Variants in IQGAP2 observed in about 807,000 individuals in gnomAD.
IQGAP2 encodes IQ motif containing GTPase activating protein 2, also known as ras GTPase-activating-like protein IQGAP2.
IQGAP2 carries 173 observed loss-of-function variants against 201.3 expected under a neutral mutation model. The observed-to-expected ratio is 0.86, with a 90% CI of 0.76 to 0.98. The LOEUF (loss-of-function observed/expected upper bound fraction) is 0.98, where lower values mean the gene tolerates loss of function less well. Ranked by LOEUF, IQGAP2 falls within the 50% of genes least tolerant of loss-of-function variation. The probability of loss-of-function intolerance (pLI) is 0.00; values close to 1 mark genes in which losing one functional copy is unlikely to be tolerated. For missense variants in IQGAP2, 1,687 were observed against 1,864.8 expected, an observed-to-expected ratio of 0.90 and a Z score of 1.76; for synonymous variants, 675 against 673.9, an observed-to-expected ratio of 1.00 and a Z score of -0.03.
chr5:76,626,192 T>C (rs556039900), intron 13 of IQGAP2, among the ~76,000 whole-genome samples: 1 of 152,080 alleles, frequency 6.6e-6, no homozygotes, highest in Admixed American at 6.5e-5. Flanking sequence ...TTCTCACCTA[T>C]GTCTGGATCA....
intron 3 of IQGAP2, among the ~76,000 whole-genome samples, chr5:76,567,744 TGTTTC>T (rs2150265148): frequency 6.6e-6 from 1 of 152,334 alleles, no homozygotes; most frequent in East Asian, 1.9e-4. Context: ...TAATGTTATT[TGTTTC>T]TAAACTACCT....
chr5:76,619,514 CTTTTT>C (rs773323091), intron 13 of IQGAP2, among the ~76,000 whole-genome samples: 3 of 104,266 alleles, frequency 2.9e-5, no homozygotes, highest in Non-Finnish European at 3.8e-5. Context: ...TAAGGATCTT[CTTTTT>C]TTTTTTTTTT....
rs376703431 is a variant in IQGAP2 at position 76,590,522 on chromosome 5, C to A, written c.755C>A (p.Ala252Glu). 7 of 1,613,392 alleles carry A rather than the reference C, an allele frequency of 4.3e-6. No homozygotes were observed. Among genetic ancestry groups the A allele is most frequent in the Non-Finnish European group, 5.9e-6 (7 of 1,179,730 alleles). ...AVLTLVDDNL[A>E]PEYQKELWDA... Reference sequence around the variant, plus strand: ...TTAACTTTAGTGGATGACAACCTTGCACCAGAATATCAGAAAGAACTCTGG... The same window carrying A: ...TTAACTTTAGTGGATGACAACCTTGAACCAGAATATCAGAAAGAACTCTGG... Residue 252 changes from alanine (A) to glutamate (E), a missense_variant, in exon 8 of 36, where the codon GCA (alanine) becomes GAA (glutamate). Physicochemically the swap from Ala to Glu is moderately radical, Grantham distance 107 (BLOSUM62 -1). Transcript: ENST00000274364.
chr5:76,472,984 G>T (rs1045849667), intron 2 of IQGAP2, among the ~76,000 whole-genome samples: 1 of 152,186 alleles, frequency 6.6e-6, no homozygotes, highest in African/African-American at 2.4e-5. Context: ...CAACCACTCT[G>T]TGGGAAGGAG....
intron 20 of IQGAP2, among the ~76,000 whole-genome samples, chr5:76,656,246 G>A (rs13189844): frequency 0.098 from 14,782 of 151,012 alleles, 989 homozygotes; most frequent in Non-Finnish European, 0.14. Flanking sequence ...TTCTTGAGAC[G>A]GAGTCTCGCT....
chr5:76,547,343 C>G, intron 2 of IQGAP2: 2 of 532,124 alleles, frequency 3.8e-6, no homozygotes, highest in South Asian at 1.6e-4. Context: ...GGCTTTATGG[C>G]ATTCTCTTGG....
At chr5:76,590,346 C>A (rs982779574) in intron 7 of IQGAP2, 62 bp from the exon 8 acceptor site, 2 of 1,308,644 alleles carry the variant, frequency 1.5e-6, no homozygotes, top group African/African-American at 3.0e-5. Context: ...AGGGTCAATG[C>A]AACTGTCCAT....
chr5:76,677,101 C>A, intron 27 of IQGAP2, 117 bp from the exon 28 acceptor site: 1 of 1,000,082 alleles, frequency 1.0e-6, no homozygotes, highest in African/African-American at 1.6e-5. Flanking sequence ...CACGTCCTCT[C>A]AAGGTTTGAG....
chr5:76,611,951 TCTC>T (rs1580601538), intron 13 of IQGAP2, among the ~76,000 whole-genome samples: 2 of 152,264 alleles, frequency 1.3e-5, no homozygotes. Flanking sequence ...AGGGCGGTCA[TCTC>T]CTCTGTCTAG....
chr5:76,405,206 C>T lies in IQGAP2; in HGVS notation c.46+1615C>T, dbSNP rs531526130. Among the ~76,000 whole-genome samples, 14 of 152,322 alleles carry T rather than the reference C, an allele frequency of 9.2e-5. No homozygotes were observed. The South Asian group carries it at 2.9e-3, about 32-fold the overall frequency. On this transcript the variant is annotated intron_variant, in intron 1 of 35. Coordinates refer to ENST00000274364, the MANE Select transcript of IQGAP2 (RefSeq NM_006633.5). ...ATGAATGCAGCATTTCTGTCAGTCCCTGCATGTGCATCTGTGATGCTGCTT... is the reference window on the plus strand; with the variant it reads ...ATGAATGCAGCATTTCTGTCAGTCCTTGCATGTGCATCTGTGATGCTGCTT...
chr5:76,421,858 G>A (rs1751749256), intron 1 of IQGAP2, among the ~76,000 whole-genome samples: 1 of 152,116 alleles, frequency 6.6e-6, no homozygotes, highest in South Asian at 2.1e-4. Flanking sequence ...ATAGAATATT[G>A]TTTTGTTAAC....
At chr5:76,498,428 A>G (rs1299267047) in intron 2 of IQGAP2, among the ~76,000 whole-genome samples, 1 of 152,194 alleles carries the variant, frequency 6.6e-6, no homozygotes, top group Admixed American at 6.5e-5. Flanking sequence ...GTCATGTCAC[A>G]CTTCTGTAGC....
intron 32 of IQGAP2, among the ~76,000 whole-genome samples, chr5:76,696,833 T>C (rs1746792672): frequency 6.6e-6 from 1 of 152,162 alleles, no homozygotes. Context: ...TTAATGAATA[T>C]TCTATTATAT....
chr5:76,695,691 T>G (rs773661828), intron 32 of IQGAP2, 25 bp downstream of exon 32: 1 of 1,582,110 alleles, frequency 6.3e-7, no homozygotes, highest in Non-Finnish European at 8.7e-7. Context: ...TATTCTTTCT[T>G]CCTTCACTTA....
intron 2 of IQGAP2, among the ~76,000 whole-genome samples, chr5:76,535,600 A>G (rs1175256557): frequency 6.6e-6 from 1 of 152,230 alleles, no homozygotes; most frequent in East Asian, 1.9e-4. Context: ...CTGTGTGACA[A>G]AATGGCTTGA....
intron 1 of IQGAP2, among the ~76,000 whole-genome samples, chr5:76,436,494 TATATATATATATATATATATATA>T (rs1315263473): frequency 0.021 from 381 of 18,284 alleles, 11 homozygotes; most frequent in African/African-American, 0.055. Flanking sequence ...TATATATATA[TATATATATATATATATATATATA>T]TTTTTTTTTT....
At chr5:76,574,758 A>G (rs1355910736) in intron 4 of IQGAP2, among the ~76,000 whole-genome samples, 2 of 152,226 alleles carry the variant, frequency 1.3e-5, no homozygotes, top group Non-Finnish European at 1.5e-5. Flanking sequence ...TGATGTTCAG[A>G]CCTTTCAGTC....
chr5:76,463,490 A>G (rs1472291308), intron 2 of IQGAP2, among the ~76,000 whole-genome samples: 1 of 152,248 alleles, frequency 6.6e-6, no homozygotes, highest in African/African-American at 2.4e-5. Context: ...TTAAAAAATC[A>G]TTTAAAGAAG....
intron 1 of IQGAP2, among the ~76,000 whole-genome samples, chr5:76,424,612 T>C (rs1029354209): frequency 6.6e-6 from 1 of 152,238 alleles, no homozygotes; most frequent in Non-Finnish European, 1.5e-5. Flanking sequence ...AGATCTATTT[T>C]TGTAAACCTC....
Sources: allele counts gnomAD v4.1 joint callset (sites outside exome capture counted in the v4.1 genomes callset), GRCh38; gene constraint gnomAD v4.1.1; transcripts MANE v1.5; gene names NCBI Gene and HGNC (gene_info 2026-07-23, HGNC 2026-07-21).